Variants in ELP1 observed in about 807,000 individuals in gnomAD.
The protein encoded by ELP1 is elongator complex protein 1.
In ELP1, 131 loss-of-function variants were observed where a neutral mutation model predicts 183.2. That is an observed-to-expected ratio of 0.72 (90% CI 0.62 to 0.83). The LOEUF is 0.83. Among genes scored for constraint, ELP1 ranks in the 40% least tolerant of loss-of-function variants. ELP1 has a pLI of 0.00. For missense variants in ELP1, 1,550 were observed against 1,594.9 expected (o/e 0.97, Z 0.48); for synonymous variants, 555 against 569.0 (o/e 0.98, Z 0.35).
chr9:108,908,309 A>G lies in ELP1; in HGVS notation c.1456T>C (p.Tyr486His), dbSNP rs1235143099. Reference protein sequence around the residue: ...CLRTPHLEKRYKIQFENNEDQ... With the variant: ...CLRTPHLEKRHKIQFENNEDQ... ...CCAAGATAATTAAGAACCTACTTGT[A>G]TCTCTTTTCCAAATGAGGAGTTCTA... The change falls in exon 13 of 37, where the codon TAC becomes CAC. Residue 486 changes from tyrosine (Y) to histidine (H), a missense_variant. Tyr to His is a moderately conservative substitution (Grantham distance 83). Transcript: ENST00000374647. 4.3e-6 allele frequency: 7 copies of G among 1,610,600 alleles called. No homozygotes were observed. Among genetic ancestry groups the G allele is most frequent in the Non-Finnish European group, 5.9e-6 (7 of 1,176,884 alleles).
chr9:108,927,371 C>T lies in ELP1; in HGVS notation c.385+1G>A, dbSNP rs1554703061. ...CAGTGAGGCACCAGTAACAAGCTTA[C>T]CTGTGGCAAGAAGCACCAGCTCTTG... On this transcript the variant is annotated splice_donor_variant, in intron 4 of 36. Transcript: ENST00000374647. LOFTEE classifies it high-confidence loss of function. 1 of 1,611,976 alleles carries T rather than the reference C, an allele frequency of 6.2e-7. No homozygotes were observed. Among genetic ancestry groups the T allele is most frequent in the Non-Finnish European group, 8.5e-7 (1 of 1,178,104 alleles).
At position 108,931,218 on chromosome 9, in the gene ELP1, T is replaced by C. The variant is rs1829995487; in HGVS notation, c.-55-17A>G. Reference sequence around the variant, plus strand: ...CATTAATCTCTAAGAGAAAAATAAATAGCTTAATAGTGATAAATGACCATA... The same window carrying C: ...CATTAATCTCTAAGAGAAAAATAAACAGCTTAATAGTGATAAATGACCATA... On this transcript the variant is annotated splice_polypyrimidine_tract_variant and intron_variant, in intron 1 of 36. Coordinates refer to ENST00000374647, the MANE Select transcript of ELP1 (RefSeq NM_003640.5). The C allele has an allele frequency of 7.4e-7, 1 of 1,347,742 alleles. No homozygotes were observed. The highest frequency in any genetic ancestry group is 2.3e-5 in the East Asian group (1 of 43,572). The allele number at this position is 1,347,742 out of a possible 1,614,324, so 83.5% of individuals were successfully genotyped here. A position where few individuals can be genotyped will look rare whatever the true frequency, so the allele number is the denominator to read the frequency against.
intron 1 of ELP1, among the ~76,000 whole-genome samples, chr9:108,931,565 T>A (rs2132053899): frequency 6.6e-6 from 1 of 152,322 alleles, no homozygotes; most frequent in South Asian, 2.1e-4. Context: ...TATAAAATCA[T>A]GAGGAAAAAC....
rs1388151143 is a variant in ELP1 at position 108,906,333 on chromosome 9, A to T, written c.1613T>A (p.Met538Lys). 1.2e-6 allele frequency: 2 copies of T among 1,613,934 alleles called. No individual in the cohort carries two copies. The highest frequency in any genetic ancestry group is 2.7e-5 in the African/African-American group (2 of 74,926). The change falls in exon 14 of 37, where the codon ATG becomes AAG. Residue 538 changes from methionine to lysine, a missense_variant. Physicochemically the swap from Met to Lys is moderately conservative, Grantham distance 95. Coordinates refer to ENST00000374647, the MANE Select transcript of ELP1 (RefSeq NM_003640.5). ...ATTGAGCTGTCCATGCTCTTCATCC[A>T]TCTCAGAAGAAGCTGCAGTCAAATG... ...IHHLTAASSEMDEEHGQLNVS... is the reference protein window; with the variant it reads ...IHHLTAASSEKDEEHGQLNVS...
intron 11 of ELP1, 138 bp from the exon 12 acceptor site, chr9:108,911,318 G>A: frequency 3.4e-6 from 3 of 873,458 alleles, no homozygotes; most frequent in Non-Finnish European, 5.5e-6. Flanking sequence ...TCAGGAACAA[G>A]TCTAAAAACA....
Position 108,898,745 on chromosome 9 carries a change from T to C in ELP1, c.2209A>G (p.Met737Val). The C allele has an allele frequency of 6.2e-7, 1 of 1,606,136 alleles. No individual in the cohort carries two copies. The highest frequency in any genetic ancestry group is 8.5e-7 in the Non-Finnish European group (1 of 1,173,778). ...AQIRKWLDKL[M>V]FKEAFECMRK... The stretch of plus-strand genomic sequence containing the variant: ...ATGCATTCAAATGCCTCTTTAAACA[T>C]AAGTCTGTGAGAAGACAGAGAAAGA... The change falls in exon 21 of 37, where the codon ATG (methionine) becomes GTG (valine). Residue 737 changes from methionine (M) to valine (V), a missense_variant. Coordinates refer to ENST00000374647, the MANE Select transcript of ELP1 (RefSeq NM_003640.5).
chr9:108,917,569 G>A lies in ELP1; in HGVS notation c.842C>T (p.Pro281Leu), dbSNP rs770755917. The change falls in exon 9 of 37, where the codon CCC becomes CTC. Residue 281 changes from proline (P) to leucine (L), a missense_variant. Pro to Leu is a moderately conservative substitution (Grantham distance 98). Coordinates refer to ENST00000374647, the MANE Select transcript of ELP1 (RefSeq NM_003640.5). ...TACCTTAACCTCATCTTTAAGGAAG[G>A]GAAGTGTAAAGTGTCCATGAAGGAG... is the stretch of plus-strand genomic sequence containing the variant. Reference protein sequence around the residue: ...NGLLHGHFTLPFLKDEVKVND... With the variant: ...NGLLHGHFTLLFLKDEVKVND... The A allele has an allele frequency of 6.2e-7, 1 of 1,613,968 alleles. No homozygotes were observed. The highest frequency in any genetic ancestry group is 1.7e-5 in the Admixed American group (1 of 60,014).
intron 36 of ELP1, among the ~76,000 whole-genome samples, chr9:108,869,847 T>C (rs1159233029): frequency 2.0e-5 from 3 of 152,226 alleles, no homozygotes; most frequent in Admixed American, 6.5e-5. Context: ...TTTTCAGCAT[T>C]ATTTATGATA....
At chr9:108,878,181 T>C in intron 34 of ELP1, 32 bp from the exon 35 acceptor site, 6 of 1,575,524 alleles carry the variant, frequency 3.8e-6, no homozygotes, top group Non-Finnish European at 5.2e-6. Flanking sequence ...GAGTGGTAAG[T>C]TATATTCCCA....
intron 12 of ELP1, 50 bp from the exon 13 acceptor site, chr9:108,908,454 C>A: frequency 7.3e-7 from 1 of 1,371,646 alleles, no homozygotes; most frequent in East Asian, 2.3e-5. Flanking sequence ...AAGATTTCAC[C>A]TAATACTAAG....
At chr9:108,900,658 A>C (rs961922774) in intron 18 of ELP1, among the ~76,000 whole-genome samples, 11 of 152,226 alleles carry the variant, frequency 7.2e-5, no homozygotes, top group Admixed American at 2.0e-4. Context: ...TCTATTTCTT[A>C]GCATTATCAG....
chr9:108,900,069 C>T (rs1188341247), intron 19 of ELP1, among the ~76,000 whole-genome samples, 174 bp from the exon 20 acceptor site: 3 of 152,184 alleles, frequency 2.0e-5, no homozygotes, highest in Admixed American at 6.5e-5. Flanking sequence ...AGAAAAGTTT[C>T]GCTTTGAGCC....
At chr9:108,918,606 A>C (rs919389633) in intron 8 of ELP1, among the ~76,000 whole-genome samples, 1 of 152,164 alleles carries the variant, frequency 6.6e-6, no homozygotes, top group Non-Finnish European at 1.5e-5. Context: ...AAGAAGCGTA[A>C]AATCTACTAT....
intron 24 of ELP1, 136 bp from the exon 25 acceptor site, chr9:108,896,780 T>C (rs748574832): frequency 5.8e-6 from 6 of 1,036,354 alleles, no homozygotes; most frequent in Non-Finnish European, 9.0e-6. Context: ...TCTGATACTT[T>C]TATATATGCT....
At chr9:108,924,891 T>C (rs1380008707) in intron 5 of ELP1, among the ~76,000 whole-genome samples, 1 of 152,224 alleles carries the variant, frequency 6.6e-6, no homozygotes, top group Non-Finnish European at 1.5e-5. Flanking sequence ...CTTTTTCTTA[T>C]TCACCTTACA....
At position 108,878,698 on chromosome 9, in the gene ELP1, C is replaced by T. The variant is rs1157374350; in HGVS notation, c.3625G>A (p.Glu1209Lys). 6.2e-7 allele frequency: 1 copy of T among 1,614,078 alleles called. No homozygotes were observed. Among genetic ancestry groups the T allele is most frequent in the Non-Finnish European group, 8.5e-7 (1 of 1,180,034 alleles). ...KAERKKHSLKEGSPLEDLALL... is the reference protein window; with the variant it reads ...KAERKKHSLKKGSPLEDLALL... ...GCCAGGTCCTCCAGCGGACTGCCTT[C>T]TTTGAGGCTGTGCTTCTTCCGCTCC... is the stretch of plus-strand genomic sequence containing the variant. The change falls in exon 34 of 37, where the codon GAA becomes AAA. Residue 1209 changes from glutamate (E) to lysine (K), a missense_variant. Glu to Lys is a moderately conservative substitution (Grantham distance 56). Coordinates refer to ENST00000374647, the MANE Select transcript of ELP1 (RefSeq NM_003640.5).
At chr9:108,906,075 C>T (rs1183288536) in intron 14 of ELP1, among the ~76,000 whole-genome samples, 1 of 151,984 alleles carries the variant, frequency 6.6e-6, no homozygotes, top group Non-Finnish European at 1.5e-5. Flanking sequence ...TAAAAAGTTG[C>T]TTCATCTACT....
In ELP1 at chr9:108,912,962, G is replaced by A. The variant is rs531650136; in HGVS notation, c.959-468C>T. On this transcript the variant is annotated intron_variant, in intron 10 of 36. Coordinates refer to ENST00000374647, the MANE Select transcript of ELP1 (RefSeq NM_003640.5). ...TTTTTAGTAGAAACATGGTTTCACC[G>A]TGTTAGCCAGGATGGTCTTGATCTC... Among the ~76,000 whole-genome samples the A allele has an allele frequency of 1.2e-4, 18 of 150,960 alleles. No individual in the cohort carries two copies. In the East Asian group the frequency reaches 2.1e-3, roughly 18 times the overall value.
chr9:108,920,325 A>G (rs1587917939), intron 6 of ELP1, among the ~76,000 whole-genome samples: 1 of 135,944 alleles, frequency 7.4e-6, no homozygotes, highest in East Asian at 2.1e-4. Flanking sequence ...TTTATGGCCC[A>G]GGCTGGAGTG....
Sources: allele counts gnomAD v4.1 joint callset (sites outside exome capture counted in the v4.1 genomes callset), GRCh38; gene constraint gnomAD v4.1.1; transcripts MANE v1.5; gene names NCBI Gene and HGNC (gene_info 2026-07-23, HGNC 2026-07-21).